Variants in PPARD observed in about 807,000 individuals in gnomAD.
The protein encoded by PPARD is peroxisome proliferator-activated receptor delta.
A neutral mutation model predicts 39.5 loss-of-function variants in PPARD; 6 were observed. The ratio of observed to expected loss-of-function variants is 0.15; its 90% confidence interval spans 0.08 to 0.30. PPARD has a LOEUF of 0.30. PPARD is among the 10% of genes least tolerant of loss of function. The probability of loss-of-function intolerance (pLI) is 1.00; values close to 1 mark genes in which losing one functional copy is unlikely to be tolerated. For missense variants in PPARD, 397 were observed against 596.8 expected (o/e 0.67, Z 3.49); for synonymous variants, 210 against 231.3 (o/e 0.91, Z 0.83).
At chr6:35,398,465 T>C (rs1366744214) in intron 2 of PPARD, among the ~76,000 whole-genome samples, 1 of 152,192 alleles carries the variant, frequency 6.6e-6, no homozygotes, top group Non-Finnish European at 1.5e-5. Flanking sequence ...TGTGTTAGGC[T>C]TGTGCTGCCA....
At chr6:35,400,822 G>T (rs1043081655) in intron 2 of PPARD, among the ~76,000 whole-genome samples, 5 of 151,882 alleles carry the variant, frequency 3.3e-5, no homozygotes, top group African/African-American at 1.2e-4. Flanking sequence ...AAAAGAAAAA[G>T]GTATAAGTGG....
At chr6:35,391,956 G>C (rs1432787516) in intron 2 of PPARD, among the ~76,000 whole-genome samples, 1 of 152,180 alleles carries the variant, frequency 6.6e-6, no homozygotes, top group Non-Finnish European at 1.5e-5. Context: ...GAGGCAGCTG[G>C]TTGTTATGAT....
At chr6:35,410,898 G>A in intron 2 of PPARD, 89 bp from the exon 3 acceptor site, 3 of 1,245,042 alleles carry the variant, frequency 2.4e-6, no homozygotes, top group Non-Finnish European at 2.0e-6. Flanking sequence ...CCCCCTCCAT[G>A]ACAGCAGCCC....
chr6:35,378,287 A>G (rs1369989378), intron 2 of PPARD, among the ~76,000 whole-genome samples: 1 of 152,118 alleles, frequency 6.6e-6, no homozygotes, highest in African/African-American at 2.4e-5. Context: ...GTTTAATTGC[A>G]TTGAATTTCT....
At chr6:35,344,382 A>G (rs1243258094) in intron 1 of PPARD, among the ~76,000 whole-genome samples, 1 of 151,864 alleles carries the variant, frequency 6.6e-6, no homozygotes, top group Admixed American at 6.6e-5. Context: ...CAGGAACTTG[A>G]GCAGACACAT....
Position 35,363,898 on chromosome 6 carries a change from A to G in PPARD, c.-102+16748A>G, listed in dbSNP as rs1177787016. ...AAGTGTGTACTTTGATGGTTTTTGT[A>G]TATTAACTGTGTTTTATATATTATA... On this transcript the variant is annotated intron_variant, in intron 2 of 7. Transcript: ENST00000360694. The surrounding 1 kb of genome is among the most constrained non-coding windows in gnomAD (Gnocchi z 4.5). Among the ~76,000 whole-genome samples, 3 of 150,778 alleles carry G rather than the reference A, an allele frequency of 2.0e-5. No individual in the cohort carries two copies. Among genetic ancestry groups the G allele is most frequent in the South Asian group, 2.1e-4 (1 of 4,814 alleles).
chr6:35,400,137 C>G (rs1764610812), intron 2 of PPARD, among the ~76,000 whole-genome samples: 1 of 152,200 alleles, frequency 6.6e-6, no homozygotes. Context: ...TGAGAAGTCT[C>G]TCTGCCCTGC....
At chr6:35,420,819 C>CTTTTTTTTTTTTTTT (rs35852986) in intron 4 of PPARD, among the ~76,000 whole-genome samples, 4 of 85,740 alleles carry the variant, frequency 4.7e-5, no homozygotes, top group East Asian at 4.6e-4. Flanking sequence ...AACAAAGAAG[C>CTTTTTTTTTTTTTTT]TTTTTTTTTT....
At chr6:35,389,187 A>G (rs946996706) in intron 2 of PPARD, among the ~76,000 whole-genome samples, 7 of 152,220 alleles carry the variant, frequency 4.6e-5, no homozygotes, top group Non-Finnish European at 1.0e-4. Context: ...CCCTGTCTCA[A>G]AAAAAGCGGA....
At chr6:35,418,541 G>T (rs1222508349) in intron 3 of PPARD, among the ~76,000 whole-genome samples, 1 of 152,208 alleles carries the variant, frequency 6.6e-6, no homozygotes, top group Non-Finnish European at 1.5e-5. Context: ...TGGCCCTTTT[G>T]TCTAGTGGGT....
intron 5 of PPARD, among the ~76,000 whole-genome samples, 177 bp from the exon 6 acceptor site, chr6:35,423,769 C>T (rs925906989): frequency 6.6e-6 from 1 of 151,982 alleles, no homozygotes. Flanking sequence ...AAAATCACAT[C>T]TTGTGGAGCT....
chr6:35,355,876 G>T (rs2150464532), intron 2 of PPARD, among the ~76,000 whole-genome samples: 1 of 151,698 alleles, frequency 6.6e-6, no homozygotes, highest in South Asian at 2.1e-4. Flanking sequence ...CTCCCAAAGT[G>T]CTGGGATTAC....
intron 2 of PPARD, among the ~76,000 whole-genome samples, chr6:35,377,129 T>C (rs1762854920): frequency 6.6e-6 from 1 of 152,122 alleles, no homozygotes; most frequent in African/African-American, 2.4e-5. Flanking sequence ...TTTGAGGCTC[T>C]CTTCTTGATA....
At chr6:35,399,378 C>T (rs950103688) in intron 2 of PPARD, among the ~76,000 whole-genome samples, 3 of 125,260 alleles carry the variant, frequency 2.4e-5, no homozygotes, top group African/African-American at 3.2e-5. Flanking sequence ...CCAGCCTGGA[C>T]GACAAAGTGA....
chr6:35,381,002 G>A (rs1763123562), intron 2 of PPARD, among the ~76,000 whole-genome samples: 1 of 152,008 alleles, frequency 6.6e-6, no homozygotes, highest in Non-Finnish European at 1.5e-5. Context: ...TGCCTGTCAG[G>A]CTCCACTTTC....
At position 35,424,238 on chromosome 6, in the gene PPARD, C is replaced by A; in HGVS notation, c.627+90C>A. ...ACTCCGGGAGAGCCAGGCCTTCTCCCTCCCTCAACTTCATGGTGCAGGCAA... is the reference window on the plus strand; with the variant it reads ...ACTCCGGGAGAGCCAGGCCTTCTCCATCCCTCAACTTCATGGTGCAGGCAA... On this transcript the variant is annotated intron_variant, in intron 6 of 7. Transcript: ENST00000360694. This position sits in a 1 kb window ranked among gnomAD's most constrained non-coding sequence, Gnocchi z 7.1. 6.3e-7 allele frequency: 1 copy of A among 1,591,480 alleles called. No homozygotes were observed. Among genetic ancestry groups the A allele is most frequent in the Non-Finnish European group, 8.6e-7 (1 of 1,167,378 alleles).
intron 2 of PPARD, among the ~76,000 whole-genome samples, chr6:35,399,342 C>G (rs1181372722): frequency 3.5e-5 from 5 of 143,888 alleles, no homozygotes; most frequent in African/African-American, 7.8e-5. Context: ...AGAGTTTGCA[C>G]TGAGCTGAGA....
At position 35,365,131 on chromosome 6, in the gene PPARD, T is replaced by C. The variant is rs369413017; in HGVS notation, c.-102+17981T>C. Among the ~76,000 whole-genome samples, 6 of 82,756 alleles carry C rather than the reference T, an allele frequency of 7.3e-5. No individual in the cohort carries two copies. The African/African-American group carries it at 9.1e-4, about 13-fold the overall frequency. 54.3% of individuals were successfully genotyped at this position (82,756 alleles called of 152,430 possible). ...CCAGACATGTAGAGCTTCCTTATTC[T>C]TTTTTTTTTTTTTTTTTTTGAGATG... On this transcript the variant is annotated intron_variant, in intron 2 of 7. Transcript: ENST00000360694.
intron 2 of PPARD, among the ~76,000 whole-genome samples, chr6:35,384,264 G>C (rs1763408140): frequency 7.3e-6 from 1 of 137,482 alleles, no homozygotes; most frequent in East Asian, 2.2e-4. Context: ...GAGGGAGGTA[G>C]GTTCAGCCCC....
Sources: allele counts gnomAD v4.1 joint callset (sites outside exome capture counted in the v4.1 genomes callset), GRCh38; gene constraint gnomAD v4.1.1; non-coding constraint Gnocchi (gnomAD v3.1); transcripts MANE v1.5; gene names NCBI Gene and HGNC (gene_info 2026-07-23, HGNC 2026-07-21).